ADGRL2: variants seen among roughly 807,000 people sequenced by gnomAD.
The protein encoded by ADGRL2 is calcium-independent alpha-latrotoxin receptor 2.
A neutral mutation model predicts 157.4 loss-of-function variants in ADGRL2; 44 were observed. The observed-to-expected ratio is 0.28, with a 90% CI of 0.22 to 0.36. The LOEUF (loss-of-function observed/expected upper bound fraction) is 0.36. ADGRL2 is among the 10% of genes least tolerant of loss of function. ADGRL2 has a pLI of 1.00. For missense variants in ADGRL2, 1,510 were observed against 1,768.9 expected (o/e 0.85, Z 2.63); for synonymous variants, 585 against 624.7 (o/e 0.94, Z 0.95).
At chr1:81,357,745 C>T (rs574127126) in intron 1 of ADGRL2, among the ~76,000 whole-genome samples, 1 of 152,224 alleles carries the variant, frequency 6.6e-6, no homozygotes, top group South Asian at 2.1e-4. Flanking sequence ...AATACATTGC[C>T]TAAGGTCCTA....
At chr1:81,880,958 G>T (rs2093971895) in intron 2 of ADGRL2, among the ~76,000 whole-genome samples, 1 of 151,822 alleles carries the variant, frequency 6.6e-6, no homozygotes, top group South Asian at 2.1e-4. Flanking sequence ...AAACATTGTG[G>T]TGTTATTACT....
chr1:81,723,411 T>C (rs2084403141), intron 1 of ADGRL2, among the ~76,000 whole-genome samples: 1 of 152,234 alleles, frequency 6.6e-6, no homozygotes. Context: ...TTTTTAAACC[T>C]TAAAAATATT....
intron 1 of ADGRL2, among the ~76,000 whole-genome samples, chr1:81,803,489 C>G (rs1297386357): frequency 6.6e-6 from 1 of 152,102 alleles, no homozygotes; most frequent in Non-Finnish European, 1.5e-5. Flanking sequence ...TTGGGAGGGA[C>G]AAGTCCTGCG....
At chr1:81,783,640 A>G (rs2086908388) in intron 2 of ADGRL2, among the ~76,000 whole-genome samples, 1 of 152,198 alleles carries the variant, frequency 6.6e-6, no homozygotes, top group Non-Finnish European at 1.5e-5. Flanking sequence ...ACAAACAATA[A>G]TACTAGCATA....
At chr1:81,432,010 T>A (rs931267773) in intron 1 of ADGRL2, among the ~76,000 whole-genome samples, 3 of 152,344 alleles carry the variant, frequency 2.0e-5, no homozygotes, top group African/African-American at 7.2e-5. Flanking sequence ...CAAAAGTTAT[T>A]GCTAATTTTT....
intron 11 of ADGRL2, among the ~76,000 whole-genome samples, chr1:81,957,653 G>A (rs1049030454): frequency 2.0e-5 from 3 of 152,004 alleles, no homozygotes; most frequent in African/African-American, 4.8e-5. Flanking sequence ...AGGTTGCAGT[G>A]AGCTGAGATC....
chr1:81,552,605 G>GAAAAAAAAAAAAAAAAAAAAAAA (rs35795177), intron 2 of ADGRL2, among the ~76,000 whole-genome samples: 16 of 103,950 alleles, frequency 1.5e-4, no homozygotes, highest in Non-Finnish European at 2.1e-4. Context: ...ACTTTACTTA[G>GAAAAAAAAAAAAAAAAAAAAAAA]AAAAAAAAAA....
intron 1 of ADGRL2, among the ~76,000 whole-genome samples, chr1:81,750,390 T>G (rs546266214): frequency 5.9e-5 from 9 of 152,288 alleles, no homozygotes; most frequent in South Asian, 4.1e-4. Context: ...GAGACAGATG[T>G]TTCATTGTCA....
chr1:81,552,617 A>C (rs1213070047), intron 2 of ADGRL2, among the ~76,000 whole-genome samples: 4 of 151,320 alleles, frequency 2.6e-5, no homozygotes, highest in Non-Finnish European at 5.9e-5. Context: ...AAAAAAAAAA[A>C]AAAAAAACAG....
In ADGRL2 at chr1:81,618,352, C is replaced by T. The variant is rs562695451; in HGVS notation, c.-143+37372C>T. Among the ~76,000 whole-genome samples the T allele has an allele frequency of 4.2e-4, 64 of 152,268 alleles. No individual in the cohort carries two copies. The South Asian group carries it at 0.01, about 24-fold the overall frequency. ...TAGCTCATGATACACTGTTCCCTAT[C>T]CACTCAGAGGCTTCTGTCTAAACAA... On this transcript the variant is annotated intron_variant, in intron 3 of 24. Transcript: ENST00000370721.
At chr1:81,364,109 C>T (rs1401903775) in intron 1 of ADGRL2, among the ~76,000 whole-genome samples, 1 of 152,092 alleles carries the variant, frequency 6.6e-6, no homozygotes, top group Non-Finnish European at 1.5e-5. Context: ...GCCCCACTCC[C>T]CCTTACCCCC....
chr1:81,545,131 T>C (rs146562120), intron 2 of ADGRL2, among the ~76,000 whole-genome samples: 38 of 152,296 alleles, frequency 2.5e-4, no homozygotes, highest in African/African-American at 9.1e-4. Context: ...TTATTTCTTA[T>C]AATCTCTAAA....
intron 2 of ADGRL2, among the ~76,000 whole-genome samples, chr1:81,777,988 T>C (rs2086653515): frequency 6.6e-6 from 1 of 151,992 alleles, no homozygotes; most frequent in African/African-American, 2.4e-5. Context: ...AACATTGCCA[T>C]TGGGTACAAT....
At chr1:81,910,261 A>ATAATAATAG (rs1202013689) in intron 3 of ADGRL2, among the ~76,000 whole-genome samples, 3 of 149,872 alleles carry the variant, frequency 2.0e-5, no homozygotes, top group African/African-American at 7.3e-5. Flanking sequence ...AATAATAATA[A>ATAATAATAG]TAATAATAAT....
chr1:81,567,797 C>A (rs2080596254), intron 2 of ADGRL2, among the ~76,000 whole-genome samples: 1 of 152,004 alleles, frequency 6.6e-6, no homozygotes, highest in African/African-American at 2.4e-5. Context: ...ATTGTTGAAA[C>A]AAACTAGCTG....
intron 2 of ADGRL2, among the ~76,000 whole-genome samples, chr1:81,844,420 A>T (rs1015497925): frequency 1.3e-5 from 2 of 152,174 alleles, no homozygotes; most frequent in African/African-American, 2.4e-5. Context: ...ATAGCTTGTG[A>T]TATTAGAGAA....
chr1:81,641,540 C>A (rs2082218874), intron 3 of ADGRL2, among the ~76,000 whole-genome samples: 1 of 152,194 alleles, frequency 6.6e-6, no homozygotes, highest in East Asian at 1.9e-4. Flanking sequence ...GAAAATCCCC[C>A]AAAAAACTTA....
intron 12 of ADGRL2, 82 bp downstream of exon 12, chr1:81,966,265 A>G (rs1657012080): frequency 6.3e-6 from 10 of 1,575,090 alleles, no homozygotes; most frequent in African/African-American, 1.4e-5. Context: ...TTGAGTCCTT[A>G]TATAACAAAA....
chr1:81,591,102 G>A (rs2081123514), intron 3 of ADGRL2, among the ~76,000 whole-genome samples: 1 of 152,134 alleles, frequency 6.6e-6, no homozygotes, highest in South Asian at 2.1e-4. Context: ...CTTCCATGAG[G>A]GAAAGTACAG....
Sources: allele counts gnomAD v4.1 joint callset (sites outside exome capture counted in the v4.1 genomes callset), GRCh38; gene constraint gnomAD v4.1.1; transcripts MANE v1.5; gene names NCBI Gene and HGNC (gene_info 2026-07-23, HGNC 2026-07-21).